CDC42BPA: variants seen among roughly 807,000 people sequenced by gnomAD.
The protein encoded by CDC42BPA is CDC42 binding protein kinase alpha, also known as serine/threonine-protein kinase MRCK alpha.
In CDC42BPA, 80 loss-of-function variants were observed where a neutral mutation model predicts 223.5. The observed-to-expected ratio is 0.36, with a 90% CI of 0.30 to 0.43. CDC42BPA has a LOEUF of 0.43. CDC42BPA is among the 20% of genes least tolerant of loss of function. CDC42BPA has a pLI of 1.00. For synonymous variants in CDC42BPA, 694 were observed against 718.6 expected, an observed-to-expected ratio of 0.97 and a Z score of 0.55; for missense variants, 1,743 against 2,099.9, an observed-to-expected ratio of 0.83 and a Z score of 3.32.
Position 227,129,243 on chromosome 1 carries a change from A to AT in CDC42BPA, c.1391-13_1391-12insA. 1.3e-6 allele frequency: 2 copies of AT among 1,539,684 alleles called. No individual in the cohort carries two copies. Among genetic ancestry groups the AT allele is most frequent in the Non-Finnish European group, 1.7e-6 (2 of 1,146,034 alleles). Reference sequence around the variant, plus strand: ...AGTCTGTGTTGACTCTTTAAAAAAAAGGATAAAAGAAATAAAAATATCACC... The same window carrying AT: ...AGTCTGTGTTGACTCTTTAAAAAAAATGGATAAAAGAAATAAAAATATCACC... On this transcript the variant is annotated splice_polypyrimidine_tract_variant and intron_variant, in intron 10 of 36. Transcript: ENST00000366766.
chr1:227,163,756 T>A (rs1047915872), intron 5 of CDC42BPA, among the ~76,000 whole-genome samples: 3 of 150,170 alleles, frequency 2.0e-5, no homozygotes, highest in Non-Finnish European at 3.0e-5. Context: ...TATATATATA[T>A]AAAATACTAA....
At position 227,193,763 on chromosome 1, in the gene CDC42BPA, G is replaced by A. The variant is rs374715887; in HGVS notation, c.599+23C>T. 1.8e-5 allele frequency: 28 copies of A among 1,560,886 alleles called. No individual in the cohort carries two copies. The African/African-American group carries it at 3.7e-4, about 21-fold the overall frequency. ...GATATTACATGGTAACTCACAGCCA[G>A]GTACAATGAAGGACTGTTTTACCTG... On this transcript the variant is annotated intron_variant, in intron 5 of 36. Transcript: ENST00000366766.
At chr1:227,089,851 G>C (rs1231313708) in intron 16 of CDC42BPA, among the ~76,000 whole-genome samples, 1 of 151,904 alleles carries the variant, frequency 6.6e-6, no homozygotes, top group Admixed American at 6.6e-5. Context: ...ACCAATAATT[G>C]AATGCAAAAA....
chr1:227,208,925 G>C (rs1361556599), intron 3 of CDC42BPA, among the ~76,000 whole-genome samples: 1 of 152,020 alleles, frequency 6.6e-6, no homozygotes, highest in Non-Finnish European at 1.5e-5. Flanking sequence ...GGATGGCATT[G>C]AATCTGTAAA....
At chr1:227,264,819 T>C in intron 1 of CDC42BPA, 3 of 1,466,924 alleles carry the variant, frequency 2.0e-6, no homozygotes, top group African/African-American at 1.4e-5. Flanking sequence ...TCTTGCTTTT[T>C]TGGAATTGTG....
chr1:227,083,351 C>A (rs1206407193), intron 16 of CDC42BPA, among the ~76,000 whole-genome samples: 1 of 151,964 alleles, frequency 6.6e-6, no homozygotes, highest in East Asian at 1.9e-4. Context: ...TCTATTGAGT[C>A]TTTTAGTTAT....
intron 1 of CDC42BPA, among the ~76,000 whole-genome samples, 176 bp from the exon 2 acceptor site, chr1:227,254,331 A>C (rs1041786568): frequency 6.6e-6 from 1 of 152,206 alleles, no homozygotes; most frequent in East Asian, 1.9e-4. Flanking sequence ...TAAGAAAACA[A>C]TATATTTTCT....
chr1:227,024,757 T>A (rs1667953189), intron 31 of CDC42BPA, among the ~76,000 whole-genome samples: 1 of 152,214 alleles, frequency 6.6e-6, no homozygotes, highest in Non-Finnish European at 1.5e-5. Context: ...TAGGGATACT[T>A]AAATATGCAA....
chr1:227,282,050 G>A (rs545479248), intron 1 of CDC42BPA, among the ~76,000 whole-genome samples: 7 of 152,088 alleles, frequency 4.6e-5, no homozygotes, highest in African/African-American at 1.4e-4. Flanking sequence ...TTAGCCGGGC[G>A]TGGTGACACA....
At chr1:227,102,550 T>C (rs1012482564) in intron 14 of CDC42BPA, among the ~76,000 whole-genome samples, 4 of 152,148 alleles carry the variant, frequency 2.6e-5, no homozygotes, top group Admixed American at 1.3e-4. Context: ...TTGTGATGAC[T>C]GTTGGGATGG....
intron 5 of CDC42BPA, 104 bp downstream of exon 5, chr1:227,193,682 A>G: frequency 3.2e-6 from 3 of 944,356 alleles, no homozygotes; most frequent in African/African-American, 3.3e-5. Flanking sequence ...GGTTGACGAT[A>G]AATGTATCCA....
intron 6 of CDC42BPA, among the ~76,000 whole-genome samples, chr1:227,148,773 A>AAAAAAGC (rs1468296435): frequency 2.0e-4 from 2 of 9,882 alleles, no homozygotes; most frequent in Non-Finnish European, 6.1e-4. Flanking sequence ...TCTCAAAAGC[A>AAAAAAGC]AAAAAAAAAA....
intron 3 of CDC42BPA, among the ~76,000 whole-genome samples, chr1:227,212,165 C>CA (rs1172771039): frequency 6.6e-6 from 1 of 150,988 alleles, no homozygotes; most frequent in African/African-American, 2.4e-5. Context: ...GGTAACAGAA[C>CA]AAAAGTGATT....
intron 12 of CDC42BPA, 124 bp from the exon 13 acceptor site, chr1:227,113,037 G>A: frequency 1.2e-6 from 1 of 838,794 alleles, no homozygotes; most frequent in Non-Finnish European, 1.9e-6. Context: ...CAAATTAAAA[G>A]AAATAAACTA....
At chr1:227,205,805 T>A (rs6426595) in intron 3 of CDC42BPA, among the ~76,000 whole-genome samples, 109,153 of 152,008 alleles carry the variant, frequency 0.72, 39,597 homozygotes, top group African/African-American at 0.83. Flanking sequence ...TCCCAGCACT[T>A]TGGGAGGCTG....
intron 26 of CDC42BPA, 27 bp downstream of exon 26, chr1:227,034,628 C>A: frequency 6.4e-7 from 1 of 1,565,190 alleles, no homozygotes; most frequent in Non-Finnish European, 8.7e-7. Context: ...TGCAATGATA[C>A]AAATAATTTT....
At position 226,994,863 on chromosome 1, in the gene CDC42BPA, T is replaced by G; in HGVS notation, c.5093A>C (p.Asp1698Ala). The stretch of plus-strand genomic sequence containing the variant: ...CCTCGCTGGGGCATCACTTCCTTGG[T>G]CCATGCCTCCAGAGGACAAAGAGCC... ...SEGSLSSGGM[D>A]QGSDAPARDF... The change falls in exon 36 of 37, where the codon GAC (aspartate) becomes GCC (alanine). Residue 1698 changes from aspartate to alanine, a missense_variant. By Grantham distance (126) the Asp-to-Ala change is moderately radical. This residue lies in a region of CDC42BPA where 200 missense variants were observed against 192.8 expected (regional missense o/e 1.04). Transcript: ENST00000366766. This position sits in a 1 kb window ranked among gnomAD's most constrained non-coding sequence, Gnocchi z 4.0. The G allele has an allele frequency of 6.2e-7, 1 of 1,613,966 alleles. No homozygotes were observed. The highest frequency in any genetic ancestry group is 1.1e-5 in the South Asian group (1 of 91,054).
chr1:227,264,958 T>C (rs1684732534), intron 1 of CDC42BPA: 3 of 1,000,166 alleles, frequency 3.0e-6, no homozygotes, highest in African/African-American at 3.2e-5. Flanking sequence ...CTTCCTCTTC[T>C]TGTATAACCT....
chr1:227,118,200 A>G (rs556343), intron 12 of CDC42BPA, among the ~76,000 whole-genome samples: 10,549 of 152,258 alleles, frequency 0.069, 559 homozygotes, highest in East Asian at 0.26. Context: ...GGCATTATAA[A>G]AAATCAGAAT....
Sources: allele counts gnomAD v4.1 joint callset (sites outside exome capture counted in the v4.1 genomes callset), GRCh38; gene constraint gnomAD v4.1.1; regional missense constraint gnomAD v4.1.1; non-coding constraint Gnocchi (gnomAD v3.1); transcripts MANE v1.5; gene names NCBI Gene and HGNC (gene_info 2026-07-23, HGNC 2026-07-21).